Variants in CCDC14 observed in about 807,000 individuals in gnomAD.
The protein encoded by CCDC14 is coiled-coil domain-containing protein 14.
Under a neutral mutation model 81.4 loss-of-function variants are expected in CCDC14, and 71 were observed. The observed-to-expected ratio is 0.87, with a 90% CI of 0.72 to 1.06. The LOEUF (loss-of-function observed/expected upper bound fraction) is 1.06. Among genes scored for constraint, CCDC14 ranks in the 50% least tolerant of loss-of-function variants. The pLI is 0.00. For synonymous variants in CCDC14, 332 were observed against 364.8 expected, an observed-to-expected ratio of 0.91 and a Z score of 1.03; for missense variants, 1,046 against 1,047.3, an observed-to-expected ratio of 1.00 and a Z score of 0.02.
At chr3:123,894,870 G>A (rs1049678100), downstream of CCDC14, among the ~76,000 whole-genome samples, 2 of 152,072 alleles carry the variant, frequency 1.3e-5, no homozygotes, top group Admixed American at 1.3e-4. Context: ...TTCTAAAAAG[G>A]AGCCTGAGCT....
chr3:123,889,789 T>C, the CCDC14 span, among the ~76,000 whole-genome samples: 79 of 152,278 alleles, frequency 5.2e-4, no homozygotes, highest in Non-Finnish European at 1.1e-3. Flanking sequence ...ACTCCACATT[T>C]CCCCTCCACA....
rs1001486814 is a variant in CCDC14 at position 123,931,057 on chromosome 3, T to C, written c.1778+45A>G. ...TTATTTTGAAGTTTATAAAAACATC[T>C]AAAAATAAAAAAGGCATGAGTTATT... On this transcript the variant is annotated intron_variant, in intron 12 of 12. Coordinates refer to ENST00000409697, the MANE Select transcript of CCDC14 (RefSeq NM_001366335.1). The C allele has an allele frequency of 3.4e-6, 5 of 1,476,118 alleles. No individual in the cohort carries two copies. The African/African-American group carries it at 7.1e-5, about 21-fold the overall frequency. 91.4% of individuals were successfully genotyped at this position (1,476,118 alleles called of 1,614,324 possible).
Position 123,946,879 on chromosome 3 carries a change from A to AT in CCDC14, c.1124dup (p.Asn375LysfsTer7). 2 of 1,613,858 alleles carry AT rather than the reference A, an allele frequency of 1.2e-6. No individual in the cohort carries two copies. The highest frequency in any genetic ancestry group is 1.7e-6 in the Non-Finnish European group (2 of 1,179,854). On this transcript the variant is annotated frameshift_variant, in exon 8 of 13. Coordinates refer to ENST00000409697, the MANE Select transcript of CCDC14 (RefSeq NM_001366335.1). LOFTEE classifies it high-confidence loss of function. Reference sequence around the variant, plus strand: ...TAACTTTTTCAGCTGTCTTGTTCACATTTTTTGCCTTCTGTACATCCTTCA... The same window carrying AT: ...TAACTTTTTCAGCTGTCTTGTTCACATTTTTTTGCCTTCTGTACATCCTTCA...
intron 9 of CCDC14, among the ~76,000 whole-genome samples, chr3:123,941,712 GC>G (rs1168481142): frequency 6.6e-6 from 1 of 151,996 alleles, no homozygotes; most frequent in Non-Finnish European, 1.5e-5. Flanking sequence ...AAGACAGCCA[GC>G]CAAATAGCTC....
In CCDC14 at chr3:123,947,146, T is replaced by C. The variant is rs749535914; in HGVS notation, c.858A>G (p.Gly286=). 2 of 1,613,830 alleles carry C rather than the reference T, an allele frequency of 1.2e-6. No individual in the cohort carries two copies. Among genetic ancestry groups the C allele is most frequent in the African/African-American group, 2.7e-5 (2 of 74,910 alleles). Residue 286 remains glycine, a synonymous_variant, in exon 8 of 13, where the codon GGA becomes GGG. Coordinates refer to ENST00000409697, the MANE Select transcript of CCDC14 (RefSeq NM_001366335.1). ...TATGAATTCCTTGTTGTGGCAGAATTCCATTAACAAGGCCCAGTTGCTGCA... is the reference window on the plus strand; with the variant it reads ...TATGAATTCCTTGTTGTGGCAGAATCCCATTAACAAGGCCCAGTTGCTGCA... ...PTLQQLGLVN[G]ILPQQGIHKE...
At chr3:123,945,059 C>A in intron 8 of CCDC14, 69 bp from the exon 9 acceptor site, 1 of 1,000,226 alleles carries the variant, frequency 1.0e-6, no homozygotes, top group South Asian at 2.6e-5. Context: ...GTATGTATTA[C>A]TAAAAAAGAA....
At chr3:123,912,026 T>G (rs2034459398), downstream of CCDC14, among the ~76,000 whole-genome samples, 1 of 152,188 alleles carries the variant, frequency 6.6e-6, no homozygotes, top group Non-Finnish European at 1.5e-5. Context: ...ATCTCTACAC[T>G]TGGTCCAATA....
chr3:123,942,336 T>G (rs1404129126), intron 9 of CCDC14, among the ~76,000 whole-genome samples: 1 of 152,102 alleles, frequency 6.6e-6, no homozygotes, highest in Non-Finnish European at 1.5e-5. Flanking sequence ...TCAATAAATG[T>G]TAGCAGTATT....
chr3:123,956,022 A>T, intron 4 of CCDC14, 24 bp downstream of exon 4: 1 of 1,532,866 alleles, frequency 6.5e-7, no homozygotes. Context: ...TAAGGTGATC[A>T]GCAAAGAATT....
At chr3:123,931,608 A>C (rs2035721106) in intron 10 of CCDC14, 82 bp from the exon 11 acceptor site, 1 of 724,488 alleles carries the variant, frequency 1.4e-6, no homozygotes, top group Non-Finnish European at 2.2e-6. Flanking sequence ...CTTAAAAAAA[A>C]AAAAAAAAGG....
chr3:123,946,076 A>G (rs1300002611), intron 8 of CCDC14, among the ~76,000 whole-genome samples: 1 of 152,136 alleles, frequency 6.6e-6, no homozygotes, highest in African/African-American at 2.4e-5. Context: ...AAACAGAGCA[A>G]TTTTAATATA....
chr3:123,934,723 C>T (rs781441365), intron 9 of CCDC14, among the ~76,000 whole-genome samples: 49 of 152,236 alleles, frequency 3.2e-4, no homozygotes, highest in Non-Finnish European at 6.2e-4. Flanking sequence ...CAAAAGTTAC[C>T]TCTATTATCT....
chr3:123,902,801 C>CT (rs1269495951), intron 5 of CCDC14, among the ~76,000 whole-genome samples: 1 of 151,868 alleles, frequency 6.6e-6, no homozygotes, highest in Non-Finnish European at 1.5e-5. Context: ...TTGTGCTTAT[C>CT]TTTTTAAAAA....
downstream of CCDC14, among the ~76,000 whole-genome samples, chr3:123,894,607 A>G (rs189037981): frequency 6.6e-6 from 1 of 152,192 alleles, no homozygotes; most frequent in East Asian, 1.9e-4. Flanking sequence ...TCATTTATTT[A>G]TGTCTTCTTT....
exon 6 of CCDC14, chr3:123,897,542 C>T (rs896347028): frequency 6.1e-5 from 62 of 1,009,370 alleles, no homozygotes; most frequent in Middle Eastern, 2.5e-4. Context: ...TCTGCTTTTC[C>T]GTAGTTCATG....
At position 123,949,036 on chromosome 3, in the gene CCDC14, T is replaced by C; in HGVS notation, c.449A>G (p.His150Arg). 1 of 1,613,762 alleles carries C rather than the reference T, an allele frequency of 6.2e-7. No individual in the cohort carries two copies. ...TATTATGGGTGAATACATTCTATAA[T>C]GATCTTGCAATGACCAGTTTTGCTC... is the stretch of plus-strand genomic sequence containing the variant. ...DLEQNWSLQD[H>R]YRMYSPIIYQ... The change falls in exon 6 of 13, where the codon CAT (histidine) becomes CGT (arginine). Residue 150 changes from histidine to arginine, a missense_variant. Transcript: ENST00000409697.
chr3:123,889,444 A>T, the CCDC14 span, among the ~76,000 whole-genome samples: 1 of 152,220 alleles, frequency 6.6e-6, no homozygotes, highest in East Asian at 1.9e-4. Flanking sequence ...GACCAAAACA[A>T]AGGGGCTACA....
the CCDC14 span, among the ~76,000 whole-genome samples, chr3:123,886,002 A>C: frequency 6.6e-6 from 1 of 152,190 alleles, no homozygotes. Context: ...AGATTTCTTT[A>C]ATATCATTAT....
intron 7 of CCDC14, 143 bp downstream of exon 7, chr3:123,948,548 T>G: frequency 1.3e-6 from 1 of 742,544 alleles, no homozygotes. Context: ...GCCATAAACA[T>G]GTAAAACTTT....
Sources: gnomAD v4.1 joint callset for allele counts (sites outside exome capture counted in the v4.1 genomes callset) on GRCh38, gnomAD v4.1.1 for gene constraint, MANE v1.5 for transcripts, NCBI Gene and HGNC (gene_info 2026-07-23, HGNC 2026-07-21) for gene names.